Variants in GABBR1 observed in about 807,000 individuals in gnomAD.
GABBR1 encodes the protein gamma-aminobutyric acid type B receptor subunit 1, also known as GABA-B receptor, R1 subunit.
Under a neutral mutation model 117.7 loss-of-function variants are expected in GABBR1, and 35 were observed. The observed-to-expected ratio is 0.30, with a 90% confidence interval of 0.23 to 0.39. GABBR1 has a LOEUF of 0.39. Among genes scored for constraint, GABBR1 ranks in the 10% least tolerant of loss-of-function variants. The pLI is 1.00. For missense variants in GABBR1, 709 were observed against 1,241.8 expected (o/e 0.57, Z 6.45); for synonymous variants, 442 against 486.6 (o/e 0.91, Z 1.21).
chr6:29,617,301 CTTTTT>C (rs373993426), intron 11 of GABBR1, among the ~76,000 whole-genome samples: 6 of 119,870 alleles, frequency 5.0e-5, no homozygotes, highest in East Asian at 2.5e-4. Context: ...TTCTTTCTTT[CTTTTT>C]TTTTTTTTTT....
intron 11 of GABBR1, among the ~76,000 whole-genome samples, chr6:29,616,983 TAAAAA>T (rs28383952): frequency 0.066 from 4,700 of 71,506 alleles, 97 homozygotes; most frequent in Middle Eastern, 0.22. Flanking sequence ...CCGTCTCTAC[TAAAAA>T]AAAAAAAAAA....
At position 29,631,607 on chromosome 6, in the gene GABBR1, G is replaced by A. The variant is rs552480372; in HGVS notation, c.86-8C>T. 1.2e-6 allele frequency: 2 copies of A among 1,613,584 alleles called. No homozygotes were observed. The highest frequency in any genetic ancestry group is 3.3e-5 in the Admixed American group (2 of 60,024). On this transcript the variant is annotated splice_polypyrimidine_tract_variant and splice_region_variant and intron_variant, in intron 2 of 22. Coordinates refer to ENST00000377034, the MANE Select transcript of GABBR1 (RefSeq NM_001470.4). The surrounding 1 kb of genome is among the most constrained non-coding windows in gnomAD (Gnocchi z 5.9). The stretch of plus-strand genomic sequence containing the variant: ...GGTGTATGATCTGGCAACCTAAGGG[G>A]TGAGTCGGGGAGGCATACAGAGAGG...
At chr6:29,617,301 CT>C (rs373993426) in intron 11 of GABBR1, among the ~76,000 whole-genome samples, 3,704 of 119,784 alleles carry the variant, frequency 0.031, 65 homozygotes, top group African/African-American at 0.076. Context: ...TTCTTTCTTT[CT>C]TTTTTTTTTT....
intron 16 of GABBR1, 97 bp downstream of exon 16, chr6:29,608,504 T>C: frequency 7.7e-7 from 1 of 1,304,098 alleles, no homozygotes; most frequent in Non-Finnish European, 1.1e-6. Flanking sequence ...CAGGGAAAGC[T>C]GAGGAGGAAG....
chr6:29,623,978 T>C lies in GABBR1; in HGVS notation c.704A>G (p.Asn235Ser). The C allele has an allele frequency of 6.2e-7, 1 of 1,613,050 alleles. No individual in the cohort carries two copies. Among genetic ancestry groups the C allele is most frequent in the Non-Finnish European group, 8.5e-7 (1 of 1,180,006 alleles). The change falls in exon 7 of 23, where the codon AAC becomes AGC. Residue 235 changes from asparagine to serine, a missense_variant. Physicochemically the swap from Asn to Ser is conservative, Grantham distance 46. This residue lies in a region of GABBR1 where 192 missense variants were observed against 418.4 expected (regional missense o/e 0.46). Transcript: ENST00000377034. This position sits in a 1 kb window ranked among gnomAD's most constrained non-coding sequence, Gnocchi z 6.2. ...CATAAGGATGATCTTGATAGGGTCG[T>C]TGTAGAGCAGCTCATATAGGTACTT... Reference protein sequence around the residue: ...ATKYLYELLYNDPIKIILMPG... With the variant: ...ATKYLYELLYSDPIKIILMPG...
intron 12 of GABBR1, 22 bp from the exon 13 acceptor site, chr6:29,612,636 G>A (rs1762671509): frequency 5.0e-6 from 8 of 1,609,106 alleles, no homozygotes; most frequent in Non-Finnish European, 6.8e-6. Context: ...AACATGTGGA[G>A]CAAGGCAAAG....
In GABBR1 at chr6:29,606,351, T is replaced by G. The variant is rs1268374166; in HGVS notation, c.2311+40A>C. On this transcript the variant is annotated intron_variant, in intron 19 of 22. Coordinates refer to ENST00000377034, the MANE Select transcript of GABBR1 (RefSeq NM_001470.4). This position sits in a 1 kb window ranked among gnomAD's most constrained non-coding sequence, Gnocchi z 4.5. ...CTCTACCCCTGCCTTCCCTCCTGCC[T>G]TTGTGCATCCCTGCCCTCCTTTGCC... The G allele has an allele frequency of 6.8e-7, 1 of 1,460,748 alleles. No individual in the cohort carries two copies. The highest frequency in any genetic ancestry group is 1.4e-5 in the African/African-American group (1 of 71,948). 90.5% of individuals were successfully genotyped at this position (1,460,748 alleles called of 1,614,324 possible).
chr6:29,624,243 C>A (rs1172014554), intron 6 of GABBR1: 14 of 481,556 alleles, frequency 2.9e-5, no homozygotes, highest in Non-Finnish European at 4.8e-5. Flanking sequence ...TGGAGCCTTA[C>A]CCATCACCTC....
Position 29,622,571 on chromosome 6 carries a change from GGGC to G in GABBR1, c.964-369_964-367del. 7.8e-6 allele frequency: 2 copies of G among 255,272 alleles called. No homozygotes were observed. Among genetic ancestry groups the G allele is most frequent in the Non-Finnish European group, 1.5e-5 (2 of 131,390 alleles). The allele number at this position is 255,272 out of a possible 1,614,324, so 15.8% of individuals were successfully genotyped here. A position where few individuals can be genotyped will look rare whatever the true frequency, so the allele number is the denominator to read the frequency against. On this transcript the variant is annotated intron_variant, in intron 8 of 22. Coordinates refer to ENST00000377034, the MANE Select transcript of GABBR1 (RefSeq NM_001470.4). This position sits in a 1 kb window ranked among gnomAD's most constrained non-coding sequence, Gnocchi z 4.6. ...ATGATGTCAACCTCAAGAGGCAAAT[GGGC>G]AGACAGACAAAGGATCAGAGAAGAA...
At position 29,633,181 on chromosome 6, in the gene GABBR1, G is replaced by C. The variant is rs886843392; in HGVS notation, c.-332C>G. The C allele has an allele frequency of 6.6e-6, 1 of 152,500 alleles. No homozygotes were observed. Among genetic ancestry groups the C allele is most frequent in the African/African-American group, 2.4e-5 (1 of 41,450 alleles). The allele number at this position is 152,500 out of a possible 1,614,324, so 9.4% of individuals were successfully genotyped here. A position where few individuals can be genotyped will look rare whatever the true frequency, so the allele number is the denominator to read the frequency against. ...AAGGGAAGGCAGGGCGGGGGGAAGA[G>C]AGGGGAAGACCGGGGAGAGGGCGCC... On this transcript the variant is annotated 5_prime_UTR_variant, in exon 1 of 23. Coordinates refer to ENST00000377034, the MANE Select transcript of GABBR1 (RefSeq NM_001470.4). This position sits in a 1 kb window ranked among gnomAD's most constrained non-coding sequence, Gnocchi z 4.4.
In GABBR1 at chr6:29,602,621, T is replaced by C; in HGVS notation, c.*922A>G. ...AATTGGGGAAAAGTGCATAACAATG[T>C]GCAGGGTAGGGTACATATGGCTCTG... On this transcript the variant is annotated 3_prime_UTR_variant, in exon 23 of 23. Coordinates refer to ENST00000377034, the MANE Select transcript of GABBR1 (RefSeq NM_001470.4). 1 of 216,786 alleles carries C rather than the reference T, an allele frequency of 4.6e-6. No individual in the cohort carries two copies. The highest frequency in any genetic ancestry group is 9.4e-6 in the Non-Finnish European group (1 of 106,754). The allele number at this position is 216,786 out of a possible 1,614,324, so 13.4% of individuals were successfully genotyped here.
chr6:29,621,976 C>A lies in GABBR1; in HGVS notation c.1065+128G>T. ...ACGTCAACTGGAAGATGGAGCTAAA[C>A]TTCCCCAGGAGATGCTATTGCCTCA... is the stretch of plus-strand genomic sequence containing the variant. On this transcript the variant is annotated intron_variant, in intron 9 of 22. Transcript: ENST00000377034. The surrounding 1 kb of genome is among the most constrained non-coding windows in gnomAD (Gnocchi z 5.0). 9.5e-7 allele frequency: 1 copy of A among 1,052,486 alleles called. No homozygotes were observed. Among genetic ancestry groups the A allele is most frequent in the Non-Finnish European group, 1.4e-6 (1 of 696,246 alleles). 65.2% of individuals were successfully genotyped at this position (1,052,486 alleles called of 1,614,324 possible).
Position 29,627,579 on chromosome 6 carries a change from G to A in GABBR1, c.564C>T (p.Cys188=). ...MSGGWPGGQA[C]QPAVEMALED... Reference sequence around the variant, plus strand: ...CCAGCGCCATCTCCACCGCGGGCTGGCAGGCCTGGCCCCCTGGCCAGCCCC... The same window carrying A: ...CCAGCGCCATCTCCACCGCGGGCTGACAGGCCTGGCCCCCTGGCCAGCCCC... Residue 188 remains cysteine (C), a synonymous_variant, in exon 6 of 23, where the codon TGC becomes TGT. Coordinates refer to ENST00000377034, the MANE Select transcript of GABBR1 (RefSeq NM_001470.4). The surrounding 1 kb of genome is among the most constrained non-coding windows in gnomAD (Gnocchi z 4.4). 1 of 1,582,314 alleles carries A rather than the reference G, an allele frequency of 6.3e-7. No individual in the cohort carries two copies.
In GABBR1 at chr6:29,623,998, G is replaced by A. The variant is rs1764021297; in HGVS notation, c.684C>T (p.Tyr228=). The change falls in exon 7 of 23, where the codon TAC becomes TAT. Residue 228 remains tyrosine (Y), a synonymous_variant. Transcript: ENST00000377034. This position sits in a 1 kb window ranked among gnomAD's most constrained non-coding sequence, Gnocchi z 6.2. ...GGTCGTTGTAGAGCAGCTCATATAGGTACTTGGTGGCTTGGCCTGGATCAC... is the reference window on the plus strand; with the variant it reads ...GGTCGTTGTAGAGCAGCTCATATAGATACTTGGTGGCTTGGCCTGGATCAC... ...SKCDPGQATK[Y]LYELLYNDPI... is the part of the protein sequence containing the mutation. 1.2e-6 allele frequency: 2 copies of A among 1,612,624 alleles called. No homozygotes were observed. Among genetic ancestry groups the A allele is most frequent in the Non-Finnish European group, 1.7e-6 (2 of 1,179,844 alleles).
chr6:29,630,718 G>T lies in GABBR1; in HGVS notation c.290-75C>A. ...TTCCCTTTAAAGAGCAGGGGACTCA[G>T]GTGCAGGTTTGGGTCCACAAGCATC... On this transcript the variant is annotated intron_variant, in intron 3 of 22. Transcript: ENST00000377034. The surrounding 1 kb of genome is among the most constrained non-coding windows in gnomAD (Gnocchi z 4.9). The T allele has an allele frequency of 1.5e-6, 2 of 1,342,268 alleles. No individual in the cohort carries two copies. Among genetic ancestry groups the T allele is most frequent in the Non-Finnish European group, 2.1e-6 (2 of 968,364 alleles). 83.1% of individuals were successfully genotyped at this position (1,342,268 alleles called of 1,614,324 possible).
In GABBR1 at chr6:29,611,320, T is replaced by C. The variant is rs1456521514; in HGVS notation, c.1631-319A>G. On this transcript the variant is annotated intron_variant, in intron 13 of 22. Coordinates refer to ENST00000377034, the MANE Select transcript of GABBR1 (RefSeq NM_001470.4). This position sits in a 1 kb window ranked among gnomAD's most constrained non-coding sequence, Gnocchi z 4.6. ...CTCGGCGAGATGTCTCTCACTTTGA[T>C]TTTGGCTTCTAAAGCTTTACACATA... 6.6e-6 allele frequency among the ~76,000 whole-genome samples: 1 copy of C among 152,252 alleles called. No individual in the cohort carries two copies. Among genetic ancestry groups the C allele is most frequent in the African/African-American group, 2.4e-5 (1 of 41,464 alleles).
Position 29,603,739 on chromosome 6 carries a change from G to C in GABBR1, c.2713-23C>G, listed in dbSNP as rs372937942. ...TTTCTGGAGGAAGAAGCACAATTGG[G>C]ATAGTAGGAGAAGAGGAGGTGATGA... On this transcript the variant is annotated intron_variant, in intron 22 of 22. Coordinates refer to ENST00000377034, the MANE Select transcript of GABBR1 (RefSeq NM_001470.4). 10 of 1,461,640 alleles carry C rather than the reference G, an allele frequency of 6.8e-6. No individual in the cohort carries two copies. The African/African-American group carries it at 1.4e-4, about 21-fold the overall frequency. The allele number at this position is 1,461,640 out of a possible 1,614,324, so 90.5% of individuals were successfully genotyped here. A position where few individuals can be genotyped will look rare whatever the true frequency, so the allele number is the denominator to read the frequency against.
rs762608564 is a variant in GABBR1, at chr6:29,606,691, T to A, written c.2217+206A>T. On this transcript the variant is annotated intron_variant, in intron 18 of 22. Coordinates refer to ENST00000377034, the MANE Select transcript of GABBR1 (RefSeq NM_001470.4). This position sits in a 1 kb window ranked among gnomAD's most constrained non-coding sequence, Gnocchi z 4.5. ...GATGCCTGGAAGTTCTACACACCCTTCCCAGATTCCCACCCCTTCCTTTCT... is the reference window on the plus strand; with the variant it reads ...GATGCCTGGAAGTTCTACACACCCTACCCAGATTCCCACCCCTTCCTTTCT... 3 of 631,532 alleles carry A rather than the reference T, an allele frequency of 4.8e-6. No homozygotes were observed. Among genetic ancestry groups the A allele is most frequent in the Admixed American group, 2.7e-5 (1 of 36,440 alleles). 39.1% of individuals were successfully genotyped at this position (631,532 alleles called of 1,614,324 possible). A position where few individuals can be genotyped will look rare whatever the true frequency, so the allele number is the denominator to read the frequency against.
At position 29,609,871 on chromosome 6, in the gene GABBR1, G is replaced by A. The variant is rs1290542458; in HGVS notation, c.1709-492C>T. On this transcript the variant is annotated intron_variant, in intron 14 of 22. Coordinates refer to ENST00000377034, the MANE Select transcript of GABBR1 (RefSeq NM_001470.4). This position sits in a 1 kb window ranked among gnomAD's most constrained non-coding sequence, Gnocchi z 4.3. ...TTCTTAAGACAAACAAAAAAAGAAGGAAAGCTAATCTGAAATTTTAATCCT... is the reference window on the plus strand; with the variant it reads ...TTCTTAAGACAAACAAAAAAAGAAGAAAAGCTAATCTGAAATTTTAATCCT... Among the ~76,000 whole-genome samples, 2 of 151,924 alleles carry A rather than the reference G, an allele frequency of 1.3e-5. No homozygotes were observed. The highest frequency in any genetic ancestry group is 2.4e-5 in the African/African-American group (1 of 41,342).
Sources: allele counts gnomAD v4.1 joint callset (sites outside exome capture counted in the v4.1 genomes callset), GRCh38; gene constraint gnomAD v4.1.1; regional missense constraint gnomAD v4.1.1; non-coding constraint Gnocchi (gnomAD v3.1); transcripts MANE v1.5; gene names NCBI Gene and HGNC (gene_info 2026-07-23, HGNC 2026-07-21).